Variants in GSK3B observed in about 807,000 individuals in gnomAD.
GSK3B encodes the protein glycogen synthase kinase 3 beta, also known as glycogen synthase kinase-3 beta.
In GSK3B, 15 loss-of-function variants were observed where a neutral mutation model predicts 56.4. That is an observed-to-expected ratio of 0.27 (90% CI 0.18 to 0.41). GSK3B has a LOEUF of 0.41. GSK3B is among the 10% of genes least tolerant of loss of function. The probability of loss-of-function intolerance (pLI) is 1.00; values close to 1 mark genes in which losing one functional copy is unlikely to be tolerated. For synonymous variants in GSK3B, 181 were observed against 188.9 expected, an observed-to-expected ratio of 0.96 and a Z score of 0.34; for missense variants, 300 against 513.4, an observed-to-expected ratio of 0.58 and a Z score of 4.02.
At chr3:120,018,271 G>A (rs752800014) in intron 1 of GSK3B, among the ~76,000 whole-genome samples, 1 of 152,132 alleles carries the variant, frequency 6.6e-6, no homozygotes, top group African/African-American at 2.4e-5. Flanking sequence ...TTTGAACTGC[G>A]CAGGTCCACT....
intron 4 of GSK3B, among the ~76,000 whole-genome samples, chr3:119,921,172 G>T (rs2056836556): frequency 1.3e-5 from 2 of 152,216 alleles, no homozygotes; most frequent in African/African-American, 4.8e-5. Context: ...TATGGAGGAT[G>T]CTATGGAATA....
intron 1 of GSK3B, among the ~76,000 whole-genome samples, chr3:120,064,196 G>T (rs2058261605): frequency 6.6e-6 from 1 of 151,350 alleles, no homozygotes; most frequent in African/African-American, 2.4e-5. Context: ...AAAGTATAAA[G>T]CTAAGAAAGA....
intron 7 of GSK3B, among the ~76,000 whole-genome samples, chr3:119,895,537 C>T (rs1200529143): frequency 1.3e-5 from 2 of 152,136 alleles, no homozygotes; most frequent in Non-Finnish European, 2.9e-5. Flanking sequence ...ACATTCCTAA[C>T]AACAGTGTAC....
intron 3 of GSK3B, among the ~76,000 whole-genome samples, chr3:119,926,512 C>T (rs1390846553): frequency 1.3e-5 from 2 of 152,164 alleles, no homozygotes; most frequent in African/African-American, 4.8e-5. Context: ...TAATATCTTC[C>T]TAAATGGTCT....
At chr3:119,953,674 C>T (rs2057181499) in intron 2 of GSK3B, among the ~76,000 whole-genome samples, 1 of 152,116 alleles carries the variant, frequency 6.6e-6, no homozygotes, top group Non-Finnish European at 1.5e-5. Context: ...TGCTACTTCT[C>T]ACTCTTCCTG....
At chr3:119,921,181 T>C (rs1025938249) in intron 4 of GSK3B, among the ~76,000 whole-genome samples, 12 of 152,198 alleles carry the variant, frequency 7.9e-5, no homozygotes, top group African/African-American at 2.7e-4. Context: ...TGCTATGGAA[T>C]AGACTATTAT....
intron 8 of GSK3B, among the ~76,000 whole-genome samples, chr3:119,866,211 A>G (rs927978196): frequency 4.6e-5 from 7 of 152,108 alleles, no homozygotes; most frequent in African/African-American, 1.4e-4. Flanking sequence ...GAAACCACCA[A>G]GAACTGAAAT....
intron 3 of GSK3B, among the ~76,000 whole-genome samples, chr3:119,927,687 G>C (rs956175289): frequency 6.6e-6 from 1 of 152,130 alleles, no homozygotes; most frequent in African/African-American, 2.4e-5. Context: ...CAGGAAGCAA[G>C]AGTGGAGTAC....
At chr3:119,927,452 C>T (rs1044826656) in intron 3 of GSK3B, among the ~76,000 whole-genome samples, 2 of 151,798 alleles carry the variant, frequency 1.3e-5, no homozygotes, top group African/African-American at 4.8e-5. Flanking sequence ...GTAGGTATAC[C>T]GGCTAGTTGA....
At chr3:119,872,392 G>A (rs1162186848) in intron 8 of GSK3B, among the ~76,000 whole-genome samples, 1 of 152,178 alleles carries the variant, frequency 6.6e-6, no homozygotes, top group East Asian at 1.9e-4. Context: ...TAATTACACT[G>A]GACAAGCAAA....
At chr3:119,869,824 G>A (rs2056230014) in intron 8 of GSK3B, among the ~76,000 whole-genome samples, 1 of 152,172 alleles carries the variant, frequency 6.6e-6, no homozygotes, top group African/African-American at 2.4e-5. Context: ...GATGTTAAAT[G>A]ACTGGCTGTA....
chr3:119,979,450 C>T (rs1300668883), intron 2 of GSK3B, among the ~76,000 whole-genome samples: 1 of 152,094 alleles, frequency 6.6e-6, no homozygotes, highest in Non-Finnish European at 1.5e-5. Flanking sequence ...CTACCTGCCT[C>T]CAAGCCTTCA....
chr3:120,084,477 T>C (rs1014551977), intron 1 of GSK3B: 5 of 152,354 alleles, frequency 3.3e-5, no homozygotes, highest in Admixed American at 1.3e-4. Flanking sequence ...CCTTCTGCAC[T>C]ATTTGATTTC....
At chr3:120,085,806 G>C (rs1160491772) in intron 1 of GSK3B, among the ~76,000 whole-genome samples, 1 of 149,056 alleles carries the variant, frequency 6.7e-6, no homozygotes, top group African/African-American at 2.5e-5. Flanking sequence ...ATTCCGTCTT[G>C]AGAAAAAAAA....
chr3:119,983,320 A>C (rs113261149), intron 2 of GSK3B, among the ~76,000 whole-genome samples: 2 of 152,206 alleles, frequency 1.3e-5, no homozygotes, highest in African/African-American at 4.8e-5. Flanking sequence ...TAACCAGCGA[A>C]CATCATAATG....
At chr3:119,969,787 T>C (rs2057349459) in intron 2 of GSK3B, among the ~76,000 whole-genome samples, 1 of 152,242 alleles carries the variant, frequency 6.6e-6, no homozygotes, top group Admixed American at 6.5e-5. Context: ...GGTTTCATTT[T>C]CCGTGGATAC....
At chr3:120,000,568 T>C (rs190566510) in intron 2 of GSK3B, among the ~76,000 whole-genome samples, 31 of 152,250 alleles carry the variant, frequency 2.0e-4, no homozygotes, top group South Asian at 8.3e-4. Flanking sequence ...TCTTGGTACA[T>C]TGGAGGCTCC....
chr3:120,027,316 G>A lies in GSK3B; in HGVS notation c.89-25077C>T, dbSNP rs1183428365. Among the ~76,000 whole-genome samples the A allele has an allele frequency of 2.0e-5, 3 of 151,294 alleles. 1 individual carries two copies. The highest frequency in any genetic ancestry group is 4.2e-4 in the South Asian group (2 of 4,800). ...CACTTGAACCCAGGAGGTGGAGGTC[G>A]CAGTGAGCCAAGATCACGCCACAGC... On this transcript the variant is annotated intron_variant, in intron 1 of 10. Transcript: ENST00000264235.
At chr3:119,902,614 C>T (rs2056635667) in intron 7 of GSK3B, among the ~76,000 whole-genome samples, 1 of 152,144 alleles carries the variant, frequency 6.6e-6, no homozygotes, top group Admixed American at 6.6e-5. Flanking sequence ...TCAGGCTGGT[C>T]TTGAACTCTT....
Sources: allele counts gnomAD v4.1 joint callset (sites outside exome capture counted in the v4.1 genomes callset), GRCh38; gene constraint gnomAD v4.1.1; transcripts MANE v1.5; gene names NCBI Gene and HGNC (gene_info 2026-07-23, HGNC 2026-07-21).